The following CYP2C19 variants were observed in gnomAD, a reference collection of about 807,000 sequenced individuals.
The protein encoded by CYP2C19 is cytochrome P450 2C19.
Under a neutral mutation model 40.9 loss-of-function variants are expected in CYP2C19, and 59 were observed. The observed-to-expected ratio is 1.44, with a 90% CI of 1.17 to 1.79. The LOEUF (loss-of-function observed/expected upper bound fraction) is 1.79, where lower values mean the gene tolerates loss of function less well. Among genes scored for constraint, CYP2C19 ranks in the 40% most tolerant of loss-of-function variants. The pLI is 0.00. For missense variants in CYP2C19, 754 were observed against 596.9 expected (o/e 1.26, Z -2.74); for synonymous variants, 253 against 208.7 (o/e 1.21, Z -1.83).
intron 5 of CYP2C19, among the ~76,000 whole-genome samples, chr10:94,797,302 T>G (rs1168439048): frequency 1.3e-5 from 2 of 152,172 alleles, no homozygotes; most frequent in African/African-American, 4.8e-5. Context: ...GTTTATTGAT[T>G]TGCATATGTT....
chr10:94,799,497 G>A lies in CYP2C19; in HGVS notation c.819+17500G>A, dbSNP rs567328897. 1.2e-3 allele frequency among the ~76,000 whole-genome samples: 177 copies of A among 152,124 alleles called. 1 individual carries two copies. The highest frequency in any genetic ancestry group is 1.9e-3 in the Non-Finnish European group (129 of 67,974). ...TATGTGTCTTGGGGTTGCTCTTCTCGAGGAGTATCTTTGTGGCTTTCTCTG... is the reference window on the plus strand; with the variant it reads ...TATGTGTCTTGGGGTTGCTCTTCTCAAGGAGTATCTTTGTGGCTTTCTCTG... On this transcript the variant is annotated intron_variant, in intron 5 of 8. Coordinates refer to ENST00000371321, the MANE Select transcript of CYP2C19 (RefSeq NM_000769.4).
chr10:94,788,403 T>A (rs553179596), intron 5 of CYP2C19, among the ~76,000 whole-genome samples: 55 of 152,200 alleles, frequency 3.6e-4, no homozygotes, highest in African/African-American at 1.3e-3. Context: ...TTTTTTAAAA[T>A]TTTTAAATTA....
At chr10:94,820,467 G>T (rs747034944) in intron 5 of CYP2C19, 29 bp from the exon 6 acceptor site, 2 of 1,612,678 alleles carry the variant, frequency 1.2e-6, no homozygotes, top group East Asian at 2.2e-5. Context: ...TAAATAATTT[G>T]TCAGATAATT....
intron 4 of CYP2C19, among the ~76,000 whole-genome samples, 169 bp downstream of exon 4, chr10:94,780,828 G>A (rs1848470148): frequency 6.6e-6 from 1 of 152,072 alleles, no homozygotes; most frequent in African/African-American, 2.4e-5. Context: ...TTTATTTTAT[G>A]CACAGGAAAT....
chr10:94,805,799 T>C (rs754573819), intron 5 of CYP2C19, among the ~76,000 whole-genome samples: 6 of 152,202 alleles, frequency 3.9e-5, no homozygotes, highest in Non-Finnish European at 8.8e-5. Context: ...AATAATTCCA[T>C]GAAGTGTGTC....
chr10:94,800,675 C>A (rs1037052868), intron 5 of CYP2C19, among the ~76,000 whole-genome samples: 3 of 152,208 alleles, frequency 2.0e-5, no homozygotes, highest in African/African-American at 7.2e-5. Flanking sequence ...GGGCTCCACC[C>A]AGTTCAAGCT....
At position 94,840,473 on chromosome 10, in the gene CYP2C19, A is replaced by C. The variant is rs1849475113; in HGVS notation, c.962-2364A>C. Among the ~76,000 whole-genome samples, 4 of 152,108 alleles carry C rather than the reference A, an allele frequency of 2.6e-5. No homozygotes were observed. The South Asian group carries it at 8.3e-4, about 32-fold the overall frequency. On this transcript the variant is annotated intron_variant, in intron 6 of 8. Transcript: ENST00000371321. ...TAAGGATGCAGCGTAGAGACTCCTT[A>C]GATCCCTTTAGAGATACAACTTGCT...
At chr10:94,824,765 C>T (rs572573917) in intron 6 of CYP2C19, among the ~76,000 whole-genome samples, 1 of 151,322 alleles carries the variant, frequency 6.6e-6, no homozygotes, top group African/African-American at 2.4e-5. Context: ...ACTAACTCGT[C>T]ATCTAGCATT....
At chr10:94,785,705 G>C (rs1848531218) in intron 5 of CYP2C19, among the ~76,000 whole-genome samples, 1 of 152,042 alleles carries the variant, frequency 6.6e-6, no homozygotes, top group African/African-American at 2.4e-5. Context: ...TCATTGTCTG[G>C]CAAAGAGCAT....
At chr10:94,799,654 T>C (rs1423661375) in intron 5 of CYP2C19, among the ~76,000 whole-genome samples, 2 of 152,224 alleles carry the variant, frequency 1.3e-5, no homozygotes. Flanking sequence ...AGATTTGGTC[T>C]TTTCACATAG....
chr10:94,776,530 C>G (rs927785294), intron 3 of CYP2C19: 1 of 152,168 alleles, frequency 6.6e-6, no homozygotes, highest in East Asian at 1.9e-4. Flanking sequence ...TACACACACA[C>G]TCAACAGACT....
At chr10:94,809,095 T>A (rs953998760) in intron 5 of CYP2C19, among the ~76,000 whole-genome samples, 4 of 152,214 alleles carry the variant, frequency 2.6e-5, no homozygotes, top group African/African-American at 9.6e-5. Context: ...TACCAGCATA[T>A]GTTATTGCTC....
chr10:94,843,153 C>A, intron 7 of CYP2C19, 129 bp downstream of exon 7: 1 of 1,143,506 alleles, frequency 8.7e-7, no homozygotes, highest in South Asian at 1.3e-5. Flanking sequence ...TTTAATTGGA[C>A]TTTCTGTTGA....
chr10:94,810,160 G>T (rs180952676), intron 5 of CYP2C19, among the ~76,000 whole-genome samples: 2 of 152,258 alleles, frequency 1.3e-5, no homozygotes, highest in East Asian at 3.9e-4. Context: ...AATTATAGGC[G>T]TGAGCCACGT....
At chr10:94,830,220 A>T (rs1045492178) in intron 6 of CYP2C19, among the ~76,000 whole-genome samples, 3 of 152,224 alleles carry the variant, frequency 2.0e-5, no homozygotes, top group Admixed American at 2.0e-4. Flanking sequence ...TTACGTAATC[A>T]AGCATGGGCA....
At chr10:94,817,221 C>T (rs1849020007) in intron 5 of CYP2C19, among the ~76,000 whole-genome samples, 1 of 147,184 alleles carries the variant, frequency 6.8e-6, no homozygotes, top group Non-Finnish European at 1.5e-5. Flanking sequence ...CCCATTTCTC[C>T]ACATCCTCTC....
At chr10:94,777,600 T>C (rs1208444434) in intron 3 of CYP2C19, among the ~76,000 whole-genome samples, 1 of 152,186 alleles carries the variant, frequency 6.6e-6, no homozygotes. Flanking sequence ...TCTAGCCATA[T>C]GCAGAAAACA....
At position 94,786,547 on chromosome 10, in the gene CYP2C19, T is replaced by C. The variant is rs141387690; in HGVS notation, c.819+4550T>C. On this transcript the variant is annotated intron_variant, in intron 5 of 8. Transcript: ENST00000371321. ...TTCTTTTTAAAAAAATTTTCAACTT[T>C]TATTTTAGATTCAGGAAGTGCATGT... Among the ~76,000 whole-genome samples the C allele has an allele frequency of 4.2e-3, 634 of 152,256 alleles. 3 individuals are homozygous for C. The highest frequency in any genetic ancestry group is 0.02 in the Middle Eastern group (6 of 294).
rs1046293903 is a variant in CYP2C19 at position 94,854,025 on chromosome 10, CTTTTT to C, written c.*1117_*1121del. Among the ~76,000 whole-genome samples the C allele has an allele frequency of 6.8e-6, 1 of 146,498 alleles. No individual in the cohort carries two copies. The highest frequency in any genetic ancestry group is 2.0e-4 in the East Asian group (1 of 4,970). ...ATGAACAAAATTTCTTTTCTTTTTT[CTTTTT>C]TTTTTGAAATGGAGTCCCACTTTTG... On this transcript the variant is annotated 3_prime_UTR_variant, in exon 9 of 9. Transcript: ENST00000371321.
Sources: gnomAD v4.1 joint callset for allele counts (sites outside exome capture counted in the v4.1 genomes callset) on GRCh38, gnomAD v4.1.1 for gene constraint, MANE v1.5 for transcripts, NCBI Gene and HGNC (gene_info 2026-07-23, HGNC 2026-07-21) for gene names.